The following AMZ1 variants were observed in gnomAD, a reference collection of about 807,000 sequenced individuals.
AMZ1 encodes the protein archaemetzincin-1.
In AMZ1, 39 loss-of-function variants were observed where a neutral mutation model predicts 29.9. That is an observed-to-expected ratio of 1.30 (90% CI 1.01 to 1.70). The LOEUF (loss-of-function observed/expected upper bound fraction) is 1.70, where lower values mean the gene tolerates loss of function less well. Among genes scored for constraint, AMZ1 ranks in the 40% most tolerant of loss-of-function variants. The pLI is 0.00. For synonymous variants in AMZ1, 458 were observed against 304.0 expected (o/e 1.51, Z -5.27); for missense variants, 1,041 against 680.6 (o/e 1.53, Z -5.89).
At chr7:2,761,550 G>C (rs573157569), upstream of AMZ1, among the ~76,000 whole-genome samples, 16 of 152,330 alleles carry the variant, frequency 1.1e-4, no homozygotes, top group Admixed American at 9.2e-4. Flanking sequence ...TCGCCCTCCA[G>C]AATTGTCACT....
chr7:2,739,969 G>A (rs113465583), intron 4 of AMZ1, among the ~76,000 whole-genome samples: 14 of 152,210 alleles, frequency 9.2e-5, no homozygotes, highest in South Asian at 2.1e-4. Context: ...CACTGTGCCC[G>A]GCAGTCCTTT....
At chr7:2,691,018 G>A (rs1033998364) in intron 1 of AMZ1, among the ~76,000 whole-genome samples, 1 of 150,302 alleles carries the variant, frequency 6.7e-6, no homozygotes, top group Non-Finnish European at 1.5e-5. Flanking sequence ...GCATGCGTCT[G>A]TAGTCCCAGC....
At chr7:2,746,814 C>G (rs1367283952) in intron 4 of AMZ1, among the ~76,000 whole-genome samples, 1 of 152,064 alleles carries the variant, frequency 6.6e-6, no homozygotes, top group Non-Finnish European at 1.5e-5. Context: ...CAAATAGATG[C>G]AATAAAAAAT....
chr7:2,725,337 G>A (rs554297248), intron 4 of AMZ1, among the ~76,000 whole-genome samples: 7 of 152,318 alleles, frequency 4.6e-5, no homozygotes, highest in Non-Finnish European at 7.3e-5. Context: ...GGCACCAGAC[G>A]GACACAGCTG....
chr7:2,720,783 C>A (rs1402082902), downstream of AMZ1, among the ~76,000 whole-genome samples: 1 of 152,188 alleles, frequency 6.6e-6, no homozygotes, highest in South Asian at 2.1e-4. Context: ...TCAAGCGACT[C>A]TCCTGCCTCA....
At chr7:2,696,455 C>T (rs1342667894) in intron 1 of AMZ1, among the ~76,000 whole-genome samples, 7 of 148,062 alleles carry the variant, frequency 4.7e-5, no homozygotes, top group African/African-American at 9.9e-5. Context: ...GACGGGGTTT[C>T]ACCATGTTAG....
rs138976792 is a variant in AMZ1 at position 2,708,628 on chromosome 7, C to T, written c.513C>T (p.Asp171=). The change falls in exon 4 of 7, where the codon GAC becomes GAT. Residue 171 remains aspartate (D), a synonymous_variant. Transcript: ENST00000683327. ...TCTTGAAGAACAACAAGCCAGGGGA[C>T]GCGCTGTGTGTGCTGGGCCTCACAC... is the stretch of plus-strand genomic sequence containing the variant. The part of the protein sequence containing the change: ...LSFLKNNKPG[D]ALCVLGLTLS... 287 of 1,613,078 alleles carry T rather than the reference C, an allele frequency of 1.8e-4. No homozygotes were observed. Among genetic ancestry groups the T allele is most frequent in the African/African-American group, 1.5e-3 (112 of 75,026 alleles).
chr7:2,753,523 C>T (rs981864494), intron 4 of AMZ1, among the ~76,000 whole-genome samples: 1 of 152,170 alleles, frequency 6.6e-6, no homozygotes, highest in South Asian at 2.1e-4. Flanking sequence ...CAGTAGCTTG[C>T]CCCTTTTTAC....
chr7:2,719,841 C>A (rs965272346), downstream of AMZ1, among the ~76,000 whole-genome samples: 2 of 152,032 alleles, frequency 1.3e-5, no homozygotes, highest in African/African-American at 4.8e-5. Context: ...CCACACCATG[C>A]CCGGCTAATT....
In AMZ1 at chr7:2,700,365, A is replaced by T; in HGVS notation, c.-87A>T. The T allele has an allele frequency of 6.8e-7, 1 of 1,471,594 alleles. No individual in the cohort carries two copies. Among genetic ancestry groups the T allele is most frequent in the Non-Finnish European group, 9.1e-7 (1 of 1,099,178 alleles). 91.2% of individuals were successfully genotyped at this position (1,471,594 alleles called of 1,614,324 possible). The stretch of plus-strand genomic sequence containing the variant: ...GCCACTCGGATCAGCCCGAGGGAAG[A>T]TTCTGGACGAGACCGTGGCCGTCCC... On this transcript the variant is annotated 5_prime_UTR_variant, in exon 2 of 7. Coordinates refer to ENST00000683327, the MANE Select transcript of AMZ1 (RefSeq NM_001384743.1).
intron 6 of AMZ1, 132 bp from the exon 7 acceptor site, chr7:2,712,198 C>G: frequency 7.1e-6 from 7 of 992,734 alleles, no homozygotes; most frequent in Middle Eastern, 3.3e-4. Flanking sequence ...AGCCCTCACA[C>G]CACCAGCCTG....
intron 3 of AMZ1, among the ~76,000 whole-genome samples, chr7:2,706,385 C>T (rs1788355545): frequency 6.6e-6 from 1 of 152,206 alleles, no homozygotes; most frequent in Non-Finnish European, 1.5e-5. Flanking sequence ...CAGAGAGTAG[C>T]ATGCTTTGGA....
At chr7:2,698,341 C>G (rs1018049339) in intron 1 of AMZ1, among the ~76,000 whole-genome samples, 3 of 152,168 alleles carry the variant, frequency 2.0e-5, no homozygotes, top group Non-Finnish European at 4.4e-5. Flanking sequence ...AGTTTGAGAC[C>G]AGCCTGGCCA....
intron 4 of AMZ1, 39 bp downstream of exon 4, chr7:2,708,755 C>G (rs1788535555): frequency 6.2e-7 from 1 of 1,610,484 alleles, no homozygotes; most frequent in Non-Finnish European, 8.5e-7. Flanking sequence ...GGGGGGTAGC[C>G]TGGCATGGGG....
In AMZ1 at chr7:2,718,004, C is replaced by T. The variant is rs747383990; in HGVS notation, c.*5126C>T. 4.6e-5 allele frequency among the ~76,000 whole-genome samples: 7 copies of T among 152,188 alleles called. No individual in the cohort carries two copies. Among genetic ancestry groups the T allele is most frequent in the Non-Finnish European group, 8.8e-5 (6 of 68,026 alleles). On this transcript the variant is annotated 3_prime_UTR_variant, in exon 7 of 7. Coordinates refer to ENST00000683327, the MANE Select transcript of AMZ1 (RefSeq NM_001384743.1). ...CGGCGGCCCCTGCCTCCCCCGGCGG[C>T]TCCACAATGGCCCTCAGAGGGTCCG...
intron 1 of AMZ1, among the ~76,000 whole-genome samples, chr7:2,699,820 C>T (rs894261730): frequency 6.6e-6 from 1 of 152,020 alleles, no homozygotes; most frequent in Non-Finnish European, 1.5e-5. Flanking sequence ...GAGGAGGTCT[C>T]TCTTCCCTCC....
At chr7:2,701,865 C>T (rs73283151) in intron 2 of AMZ1, among the ~76,000 whole-genome samples, 4,831 of 152,306 alleles carry the variant, frequency 0.032, 262 homozygotes, top group African/African-American at 0.11. Context: ...GCATCCACCA[C>T]CCCACAGCAG....
chr7:2,749,420 C>T (rs933186612), intron 4 of AMZ1, among the ~76,000 whole-genome samples: 5 of 150,500 alleles, frequency 3.3e-5, no homozygotes, highest in Admixed American at 1.3e-4. Flanking sequence ...GACAAAAAAC[C>T]AAACACCCCA....
intron 4 of AMZ1, among the ~76,000 whole-genome samples, chr7:2,750,470 C>T (rs190096098): frequency 6.6e-5 from 10 of 152,320 alleles, no homozygotes; most frequent in Admixed American, 2.0e-4. Flanking sequence ...AATACCCAAC[C>T]TTATCTATAT....
Sources: allele counts gnomAD v4.1 joint callset (sites outside exome capture counted in the v4.1 genomes callset), GRCh38; gene constraint gnomAD v4.1.1; transcripts MANE v1.5; gene names NCBI Gene and HGNC (gene_info 2026-07-23, HGNC 2026-07-21).